Variants in RPS6KC1 observed in about 807,000 individuals in gnomAD.
RPS6KC1 encodes inactive ribosomal protein S6 kinase delta-1.
A neutral mutation model predicts 103.8 loss-of-function variants in RPS6KC1; 54 were observed. The observed-to-expected ratio is 0.52, with a 90% CI of 0.42 to 0.65. RPS6KC1 has a LOEUF of 0.65. RPS6KC1 is among the 30% of genes least tolerant of loss of function. The probability of loss-of-function intolerance (pLI) is 0.00; values close to 1 mark genes in which losing one functional copy is unlikely to be tolerated. For synonymous variants in RPS6KC1, 439 were observed against 438.7 expected (o/e 1.00, Z -0.01); for missense variants, 1,151 against 1,253.8 (o/e 0.92, Z 1.24).
the RPS6KC1 span, among the ~76,000 whole-genome samples, chr1:213,739,983 C>A: frequency 1.2e-3 from 187 of 152,090 alleles, 1 homozygote; most frequent in African/African-American, 4.3e-3. Flanking sequence ...AGAGAGTGAC[C>A]AATCCAGGGT....
chr1:213,203,169 T>C (rs926475131), intron 8 of RPS6KC1, among the ~76,000 whole-genome samples: 4 of 152,136 alleles, frequency 2.6e-5, no homozygotes, highest in African/African-American at 4.8e-5. Flanking sequence ...GATTTTGAAG[T>C]TTTTCAGACT....
At chr1:213,672,277 A>G in the RPS6KC1 span, among the ~76,000 whole-genome samples, 1 of 152,126 alleles carries the variant, frequency 6.6e-6, no homozygotes, top group East Asian at 1.9e-4. Context: ...CCACAACCTG[A>G]TCTCTTTTCT....
the RPS6KC1 span, among the ~76,000 whole-genome samples, chr1:213,794,118 TG>T: frequency 6.6e-6 from 1 of 152,182 alleles, no homozygotes; most frequent in South Asian, 2.1e-4. Flanking sequence ...TGTTTGGAAA[TG>T]GATAAATGCA....
At chr1:213,261,993 G>A (rs942344886) in intron 13 of RPS6KC1, among the ~76,000 whole-genome samples, 1 of 152,088 alleles carries the variant, frequency 6.6e-6, no homozygotes, top group Non-Finnish European at 1.5e-5. Flanking sequence ...TAAACATATT[G>A]TCTGAAACCA....
At position 213,240,570 on chromosome 1, in the gene RPS6KC1, A is replaced by G. The variant is rs576489400; in HGVS notation, c.1226-132A>G. 125 of 739,684 alleles carry G rather than the reference A, an allele frequency of 1.7e-4. 1 individual carries two copies. The African/African-American group carries it at 2.1e-3, about 13-fold the overall frequency. 45.8% of individuals were successfully genotyped at this position (739,684 alleles called of 1,614,324 possible). A position where few individuals can be genotyped will look rare whatever the true frequency, so the allele number is the denominator to read the frequency against. On this transcript the variant is annotated intron_variant, in intron 10 of 14. Transcript: ENST00000366960. Reference sequence around the variant, plus strand: ...TTATTAAATATGCTTATCTTATGGCACACGATATTAATGGATATTATTGAC... The same window carrying G: ...TTATTAAATATGCTTATCTTATGGCGCACGATATTAATGGATATTATTGAC...
At chr1:213,709,432 TTC>T in the RPS6KC1 span, among the ~76,000 whole-genome samples, 1 of 152,224 alleles carries the variant, frequency 6.6e-6, no homozygotes, top group Non-Finnish European at 1.5e-5. Flanking sequence ...TATTTGATTC[TTC>T]TCTCTTTTCT....
intron 6 of RPS6KC1, among the ~76,000 whole-genome samples, chr1:213,166,958 G>C (rs930214462): frequency 1.1e-4 from 16 of 152,050 alleles, no homozygotes; most frequent in Non-Finnish European, 7.4e-5. Context: ...AGTTAAGTTC[G>C]TTCTTTCACA....
chr1:213,703,915 T>A, the RPS6KC1 span, among the ~76,000 whole-genome samples: 3 of 152,344 alleles, frequency 2.0e-5, no homozygotes, highest in East Asian at 5.8e-4. Flanking sequence ...ATAAACTTTC[T>A]ATTCCTGTCT....
chr1:213,815,262 G>A, the RPS6KC1 span, among the ~76,000 whole-genome samples: 1 of 152,164 alleles, frequency 6.6e-6, no homozygotes, highest in Non-Finnish European at 1.5e-5. Flanking sequence ...GTGGAACTGT[G>A]AGTCAATTAA....
chr1:213,574,147 G>T, the RPS6KC1 span, among the ~76,000 whole-genome samples: 1 of 152,206 alleles, frequency 6.6e-6, no homozygotes, highest in African/African-American at 2.4e-5. Context: ...CAAAATCACT[G>T]GACAGATAAG....
At chr1:213,070,588 G>A (rs1168016322) in intron 1 of RPS6KC1, among the ~76,000 whole-genome samples, 1 of 152,186 alleles carries the variant, frequency 6.6e-6, no homozygotes. Flanking sequence ...GGAAAGTGAT[G>A]TACAGAAAAG....
At chr1:213,408,889 C>T in the RPS6KC1 span, among the ~76,000 whole-genome samples, 1 of 152,152 alleles carries the variant, frequency 6.6e-6, no homozygotes, top group Non-Finnish European at 1.5e-5. Context: ...CATGGCTTTC[C>T]CTCTCAGGTC....
At chr1:213,227,602 T>C (rs1487798471) in intron 8 of RPS6KC1, among the ~76,000 whole-genome samples, 1 of 152,072 alleles carries the variant, frequency 6.6e-6, no homozygotes, top group East Asian at 1.9e-4. Flanking sequence ...TTTCATAGAG[T>C]TGTAGGACTG....
At chr1:213,531,810 G>A in the RPS6KC1 span, among the ~76,000 whole-genome samples, 1 of 152,154 alleles carries the variant, frequency 6.6e-6, no homozygotes, top group South Asian at 2.1e-4. Context: ...TTTCCCAGCT[G>A]GGCACCTTTC....
the RPS6KC1 span, among the ~76,000 whole-genome samples, chr1:213,737,991 T>C: frequency 6.6e-6 from 1 of 152,200 alleles, no homozygotes; most frequent in African/African-American, 2.4e-5. Flanking sequence ...AATAGGGTAG[T>C]GAATATAATG....
the RPS6KC1 span, among the ~76,000 whole-genome samples, chr1:213,432,800 T>C: frequency 6.6e-6 from 1 of 152,198 alleles, no homozygotes; most frequent in Non-Finnish European, 1.5e-5. Flanking sequence ...CAGAAACTTA[T>C]GTTGTTCAGT....
the RPS6KC1 span, among the ~76,000 whole-genome samples, chr1:213,382,620 C>T: frequency 4.0e-5 from 6 of 150,602 alleles, no homozygotes; most frequent in Non-Finnish European, 5.9e-5. Context: ...GTCTTTTCCT[C>T]TCACCTCTCC....
the RPS6KC1 span, among the ~76,000 whole-genome samples, chr1:213,330,634 T>C: frequency 6.6e-6 from 1 of 152,314 alleles, no homozygotes; most frequent in South Asian, 2.1e-4. Context: ...GTATGATCAC[T>C]GGAACAATAG....
At chr1:213,326,851 G>C in the RPS6KC1 span, among the ~76,000 whole-genome samples, 1 of 152,170 alleles carries the variant, frequency 6.6e-6, no homozygotes, top group Non-Finnish European at 1.5e-5. Context: ...GATTCAGACA[G>C]ATTTGGGTGT....
Sources: gnomAD v4.1 joint callset for allele counts (sites outside exome capture counted in the v4.1 genomes callset) on GRCh38, gnomAD v4.1.1 for gene constraint, MANE v1.5 for transcripts, NCBI Gene and HGNC (gene_info 2026-07-23, HGNC 2026-07-21) for gene names.